SLCO3A1: variants seen among roughly 807,000 people sequenced by gnomAD.
The protein encoded by SLCO3A1 is solute carrier organic anion transporter family member 3A1, also known as PGE1 transporter.
In SLCO3A1, 27 loss-of-function variants were observed where a neutral mutation model predicts 63.1. The observed-to-expected ratio is 0.43, with a 90% CI of 0.32 to 0.59. The LOEUF is 0.59. SLCO3A1 is among the 20% of genes least tolerant of loss of function. The pLI is 0.09. For synonymous variants in SLCO3A1, 473 were observed against 409.9 expected (o/e 1.15, Z -1.86); for missense variants, 773 against 945.8 (o/e 0.82, Z 2.40).
At chr15:92,105,746 C>T (rs1469960924) in intron 4 of SLCO3A1, among the ~76,000 whole-genome samples, 3 of 152,284 alleles carry the variant, frequency 2.0e-5, no homozygotes, top group South Asian at 4.1e-4. Context: ...GCACTACTTC[C>T]CAGGGAAGCT....
rs1285823429 is a variant in SLCO3A1, at chr15:92,132,623, A to AC, written c.1512+4134_1512+4135insC. 3.5e-5 allele frequency among the ~76,000 whole-genome samples: 5 copies of AC among 143,418 alleles called. 1 individual carries two copies. Among genetic ancestry groups the AC allele is most frequent in the South Asian group, 2.2e-4 (1 of 4,530 alleles). 94.1% of individuals were successfully genotyped at this position (143,418 alleles called of 152,430 possible). A position where few individuals can be genotyped will look rare whatever the true frequency, so the allele number is the denominator to read the frequency against. On this transcript the variant is annotated intron_variant, in intron 7 of 9. Transcript: ENST00000318445. ...GATGTACTAAATAATTGAATAGAAAAAAAAAAAAACTTCCATCAGCCACCA... is the reference window on the plus strand; with the variant it reads ...GATGTACTAAATAATTGAATAGAAAACAAAAAAAAACTTCCATCAGCCACCA...
chr15:91,925,690 G>A (rs1017315619), intron 2 of SLCO3A1, among the ~76,000 whole-genome samples: 1 of 152,116 alleles, frequency 6.6e-6, no homozygotes, highest in Non-Finnish European at 1.5e-5. Flanking sequence ...ATCTTCTCTT[G>A]TAGGACTGCT....
chr15:92,128,555 T>G, intron 7 of SLCO3A1, 66 bp downstream of exon 7: 1 of 1,466,990 alleles, frequency 6.8e-7, no homozygotes, highest in East Asian at 2.4e-5. Context: ...AAACCCAAGT[T>G]TTTGCCCAGG....
intron 5 of SLCO3A1, among the ~76,000 whole-genome samples, chr15:92,121,081 A>G (rs1217166253): frequency 6.6e-6 from 1 of 152,200 alleles, no homozygotes. Flanking sequence ...CTAATGGATC[A>G]TGACACTCCT....
chr15:91,926,597 G>GTGTGTGTGCGCGCA (rs1304406067), intron 2 of SLCO3A1, among the ~76,000 whole-genome samples: 1 of 31,854 alleles, frequency 3.1e-5, no homozygotes, highest in Non-Finnish European at 6.9e-5. Context: ...GTGTGTGTGT[G>GTGTGTGTGCGCGCA]CGCGCGCGCA....
intron 9 of SLCO3A1, among the ~76,000 whole-genome samples, chr15:92,153,214 C>CATGCCT (rs139988665): frequency 6.6e-6 from 1 of 151,380 alleles, no homozygotes; most frequent in Non-Finnish European, 1.5e-5. Flanking sequence ...CCAGTACGCA[C>CATGCCT]ATGCCTATGC....
chr15:91,874,888 G>C (rs1897363256), intron 1 of SLCO3A1, among the ~76,000 whole-genome samples: 1 of 152,110 alleles, frequency 6.6e-6, no homozygotes, highest in African/African-American at 2.4e-5. Flanking sequence ...CTGTGCAATG[G>C]AAGTTAGCTT....
Position 91,989,454 on chromosome 15 carries a change from A to G in SLCO3A1, c.646+72996A>G, listed in dbSNP as rs781411481. Among the ~76,000 whole-genome samples, 4 of 152,182 alleles carry G rather than the reference A, an allele frequency of 2.6e-5. No homozygotes were observed. In the South Asian group the frequency reaches 8.3e-4, roughly 32 times the overall value. ...GATTGTATGTCCGTAGTAAATATGGATTGCGTGATTGAATGATTTAGTAAA... is the reference window on the plus strand; with the variant it reads ...GATTGTATGTCCGTAGTAAATATGGGTTGCGTGATTGAATGATTTAGTAAA... On this transcript the variant is annotated intron_variant, in intron 2 of 9. Coordinates refer to ENST00000318445, the MANE Select transcript of SLCO3A1 (RefSeq NM_013272.4).
intron 2 of SLCO3A1, among the ~76,000 whole-genome samples, chr15:92,038,229 G>A (rs2046751875): frequency 1.3e-5 from 2 of 152,126 alleles, no homozygotes; most frequent in Admixed American, 6.6e-5. Flanking sequence ...TTGCTGGTTG[G>A]CCAGGAGAAA....
At position 91,856,987 on chromosome 15, in the gene SLCO3A1, A is replaced by G; in HGVS notation, c.180+2899A>G. 6.6e-6 allele frequency among the ~76,000 whole-genome samples: 1 copy of G among 151,348 alleles called. No homozygotes were observed. The highest frequency in any genetic ancestry group is 1.9e-4 in the East Asian group (1 of 5,158). On this transcript the variant is annotated intron_variant, in intron 1 of 9. Coordinates refer to ENST00000318445, the MANE Select transcript of SLCO3A1 (RefSeq NM_013272.4). This position sits in a 1 kb window ranked among gnomAD's most constrained non-coding sequence, Gnocchi z 4.9. Reference sequence around the variant, plus strand: ...TTCCCAACTGCAGAACTGAAGCAGAAGGTTGCCTGTGATTTAAGAAGCAAC... The same window carrying G: ...TTCCCAACTGCAGAACTGAAGCAGAGGGTTGCCTGTGATTTAAGAAGCAAC...
chr15:91,901,092 T>C (rs940195241), intron 1 of SLCO3A1, among the ~76,000 whole-genome samples: 6 of 152,216 alleles, frequency 3.9e-5, no homozygotes, highest in Admixed American at 3.3e-4. Flanking sequence ...TCTTCTTTAT[T>C]GTACTCTTTT....
At position 92,129,365 on chromosome 15, in the gene SLCO3A1, C is replaced by A. The variant is rs904244116; in HGVS notation, c.1512+876C>A. On this transcript the variant is annotated intron_variant, in intron 7 of 9. Coordinates refer to ENST00000318445, the MANE Select transcript of SLCO3A1 (RefSeq NM_013272.4). ...TTCAGTTTGTGGTGTTCAGCTTCCC[C>A]CATACAACCTGTCTTTTCATACACC... 2.6e-5 allele frequency among the ~76,000 whole-genome samples: 4 copies of A among 152,296 alleles called. No individual in the cohort carries two copies. In the East Asian group the frequency reaches 5.8e-4, roughly 22 times the overall value.
rs1900105745 is a variant in SLCO3A1 at position 91,954,552 on chromosome 15, C to T, written c.646+38094C>T. On this transcript the variant is annotated intron_variant, in intron 2 of 9. Transcript: ENST00000318445. The surrounding 1 kb of genome is among the most constrained non-coding windows in gnomAD (Gnocchi z 4.7). ...CCTACCTGGTCAGGTGCCCCGCAGG[C>T]TTTCCTGAGAAGTGAATCCAGGCGC... is the stretch of plus-strand genomic sequence containing the variant. Among the ~76,000 whole-genome samples the T allele has an allele frequency of 6.6e-6, 1 of 152,144 alleles. No homozygotes were observed. Among genetic ancestry groups the T allele is most frequent in the Non-Finnish European group, 1.5e-5 (1 of 68,038 alleles).
intron 2 of SLCO3A1, among the ~76,000 whole-genome samples, chr15:92,024,628 G>A (rs1597232351): frequency 6.6e-6 from 1 of 152,172 alleles, no homozygotes; most frequent in African/African-American, 2.4e-5. Flanking sequence ...CTTTCAAAAG[G>A]CAAAGTCAAA....
At chr15:91,945,798 G>T (rs1050710843) in intron 2 of SLCO3A1, among the ~76,000 whole-genome samples, 1 of 152,198 alleles carries the variant, frequency 6.6e-6, no homozygotes, top group East Asian at 1.9e-4. Flanking sequence ...ATTTGGAGGC[G>T]ACTGAAGATA....
chr15:92,053,776 C>T (rs2046989630), intron 2 of SLCO3A1, among the ~76,000 whole-genome samples: 1 of 149,708 alleles, frequency 6.7e-6, no homozygotes, highest in African/African-American at 2.5e-5. Context: ...AATTGTCATT[C>T]TCATCCCATC....
chr15:91,853,787 C>T lies in SLCO3A1; in HGVS notation c.-122C>T. On this transcript the variant is annotated 5_prime_UTR_variant, in exon 1 of 10. Coordinates refer to ENST00000318445, the MANE Select transcript of SLCO3A1 (RefSeq NM_013272.4). ...CCCGGCAGGACGGGGGCGGCCGCCG[C>T]GAACCCGGGGCGGGGACAGCACGCA... 1 of 982,438 alleles carries T rather than the reference C, an allele frequency of 1.0e-6. No individual in the cohort carries two copies. The highest frequency in any genetic ancestry group is 1.2e-6 in the Non-Finnish European group (1 of 808,462). 60.9% of individuals were successfully genotyped at this position (982,438 alleles called of 1,614,324 possible).
chr15:92,013,090 A>AC (rs887232578), intron 2 of SLCO3A1, among the ~76,000 whole-genome samples: 8 of 152,166 alleles, frequency 5.3e-5, no homozygotes, highest in Non-Finnish European at 1.0e-4. Context: ...TCTCCACTGG[A>AC]CTAGAAGAAA....
intron 2 of SLCO3A1, among the ~76,000 whole-genome samples, chr15:91,972,075 A>C (rs1184300811): frequency 5.3e-5 from 8 of 152,154 alleles, no homozygotes; most frequent in African/African-American, 1.9e-4. Flanking sequence ...GGGATGCTCA[A>C]CCTATATCTT....
Sources: gnomAD v4.1 joint callset for allele counts (sites outside exome capture counted in the v4.1 genomes callset) on GRCh38, gnomAD v4.1.1 for gene constraint, Gnocchi (gnomAD v3.1) non-coding constraint, MANE v1.5 for transcripts, NCBI Gene and HGNC (gene_info 2026-07-23, HGNC 2026-07-21) for gene names.